The following TMEM132D variants were observed in gnomAD, a reference collection of about 807,000 sequenced individuals.
TMEM132D encodes mature OL transmembrane protein.
Under a neutral mutation model 62.3 loss-of-function variants are expected in TMEM132D, and 21 were observed. The ratio of observed to expected loss-of-function variants is 0.34; its 90% CI spans 0.24 to 0.49. The LOEUF (loss-of-function observed/expected upper bound fraction) is 0.49. TMEM132D is among the 20% of genes least tolerant of loss of function. The pLI is 0.99. For missense variants in TMEM132D, 1,346 were observed against 1,402.8 expected (o/e 0.96, Z 0.65); for synonymous variants, 621 against 575.6 (o/e 1.08, Z -1.13).
intron 2 of TMEM132D, among the ~76,000 whole-genome samples, chr12:129,536,068 A>G (rs573035217): frequency 6.6e-6 from 1 of 152,334 alleles, no homozygotes; most frequent in East Asian, 1.9e-4. Context: ...ATACGAAGAG[A>G]TCCAAACTTC....
At chr12:129,853,197 G>C (rs1404584110) in intron 1 of TMEM132D, 1 of 152,206 alleles carries the variant, frequency 6.6e-6, no homozygotes, top group Non-Finnish European at 1.5e-5. Flanking sequence ...CAGTCACAGA[G>C]GGAAAGGGGA....
At chr12:129,621,075 C>T (rs1470390280) in intron 2 of TMEM132D, among the ~76,000 whole-genome samples, 1 of 152,202 alleles carries the variant, frequency 6.6e-6, no homozygotes, top group Non-Finnish European at 1.5e-5. Flanking sequence ...TGGAGGTTGA[C>T]ACCCCTCCAT....
intron 1 of TMEM132D, among the ~76,000 whole-genome samples, chr12:129,821,981 G>A (rs971811170): frequency 1.7e-4 from 26 of 152,176 alleles, no homozygotes; most frequent in African/African-American, 5.8e-4. Flanking sequence ...ACCATGCTAG[G>A]TGCTGAGGAT....
intron 4 of TMEM132D, among the ~76,000 whole-genome samples, chr12:129,269,790 T>G (rs1236777153): frequency 1.3e-5 from 2 of 152,310 alleles, no homozygotes; most frequent in African/African-American, 4.8e-5. Flanking sequence ...CGCAGTTGCA[T>G]GAGCTTCCTC....
chr12:129,861,474 T>C (rs1023035752), intron 1 of TMEM132D, among the ~76,000 whole-genome samples: 3 of 152,188 alleles, frequency 2.0e-5, no homozygotes, highest in Non-Finnish European at 4.4e-5. Flanking sequence ...GTTAAATGAT[T>C]ACCAGGCTGG....
chr12:129,603,344 C>T (rs990350164), intron 2 of TMEM132D, among the ~76,000 whole-genome samples: 1 of 152,200 alleles, frequency 6.6e-6, no homozygotes, highest in Admixed American at 6.5e-5. Context: ...GACATTTCTA[C>T]TGTCTCCGAG....
At chr12:129,605,238 G>T (rs2137145939) in intron 2 of TMEM132D, among the ~76,000 whole-genome samples, 1 of 152,178 alleles carries the variant, frequency 6.6e-6, no homozygotes, top group East Asian at 1.9e-4. Flanking sequence ...GACATGACGG[G>T]CATGGTTATC....
At chr12:129,272,348 A>C (rs752384092) in intron 4 of TMEM132D, among the ~76,000 whole-genome samples, 1 of 151,828 alleles carries the variant, frequency 6.6e-6, no homozygotes, top group Non-Finnish European at 1.5e-5. Context: ...GAACCAAGCC[A>C]TCAGTAAGTC....
chr12:129,328,210 A>G (rs1868981718), intron 4 of TMEM132D, among the ~76,000 whole-genome samples: 1 of 152,210 alleles, frequency 6.6e-6, no homozygotes, highest in Non-Finnish European at 1.5e-5. Flanking sequence ...CCAAGCATGT[A>G]TTAATTCTGA....
intron 1 of TMEM132D, among the ~76,000 whole-genome samples, chr12:129,715,267 G>A (rs561562543): frequency 7.2e-5 from 11 of 152,176 alleles, no homozygotes; most frequent in African/African-American, 2.4e-4. Context: ...GAGAGAGAAG[G>A]GACAAATCAC....
chr12:129,285,391 G>T (rs1881263525), intron 4 of TMEM132D, among the ~76,000 whole-genome samples: 1 of 151,766 alleles, frequency 6.6e-6, no homozygotes, highest in South Asian at 2.1e-4. Context: ...GCTGGGCATG[G>T]TGGTGCATGC....
At chr12:129,790,624 G>C (rs564889880) in intron 1 of TMEM132D, among the ~76,000 whole-genome samples, 2 of 151,920 alleles carry the variant, frequency 1.3e-5, no homozygotes, top group African/African-American at 2.4e-5. Flanking sequence ...GGCACAGGAT[G>C]GGGGGGCAGG....
chr12:129,188,714 G>A (rs564939156), intron 5 of TMEM132D, among the ~76,000 whole-genome samples: 1 of 144,662 alleles, frequency 6.9e-6, no homozygotes, highest in African/African-American at 2.6e-5. Context: ...ATAGATAATA[G>A]AGATAAATGA....
Position 129,337,792 on chromosome 12 carries a change from T to A in TMEM132D, c.1141A>T (p.Met381Leu), listed in dbSNP as rs748570831. 6.2e-7 allele frequency: 1 copy of A among 1,612,730 alleles called. No individual in the cohort carries two copies. Among genetic ancestry groups the A allele is most frequent in the South Asian group, 1.1e-5 (1 of 90,958 alleles). The change falls in exon 4 of 9, where the codon ATG (methionine) becomes TTG (leucine). Residue 381 changes from methionine to leucine, a missense_variant. Transcript: ENST00000422113. ...TCTTCCACCTCCACATCGATCTGCATGACCTCGTAGGAGGCGCCATCCGCA... is the reference window on the plus strand; with the variant it reads ...TCTTCCACCTCCACATCGATCTGCAAGACCTCGTAGGAGGCGCCATCCGCA... Reference protein sequence around the residue: ...NSADGASYEVMQIDVEVEEPG... With the variant: ...NSADGASYEVLQIDVEVEEPG...
rs1475470945 is a variant in TMEM132D, at chr12:129,739,340, G to A, written c.80-38642C>T. On this transcript the variant is annotated intron_variant, in intron 1 of 8. Coordinates refer to ENST00000422113, the MANE Select transcript of TMEM132D (RefSeq NM_133448.3). ...AATTCCCACCGCCTGATGAACTGAT[G>A]AGCCTCTAGCCAAGGCAAGGCGAGG... 5.3e-5 allele frequency among the ~76,000 whole-genome samples: 8 copies of A among 152,152 alleles called. 1 individual carries two copies. The highest frequency in any genetic ancestry group is 1.3e-4 in the Admixed American group (2 of 15,270).
intron 5 of TMEM132D, among the ~76,000 whole-genome samples, chr12:129,151,409 C>T (rs1877067210): frequency 6.6e-6 from 1 of 152,144 alleles, no homozygotes; most frequent in Admixed American, 6.5e-5. Flanking sequence ...CTGAAGGGGA[C>T]GTGAGGTGCA....
At chr12:129,661,939 GTAATTAA>G (rs1388392672) in intron 2 of TMEM132D, among the ~76,000 whole-genome samples, 4 of 152,224 alleles carry the variant, frequency 2.6e-5, no homozygotes, top group African/African-American at 9.6e-5. Flanking sequence ...AAGAGTAAAT[GTAATTAA>G]TATTTAATAA....
At chr12:129,266,588 T>C (rs755823064) in intron 4 of TMEM132D, among the ~76,000 whole-genome samples, 1 of 145,760 alleles carries the variant, frequency 6.9e-6, no homozygotes, top group African/African-American at 2.5e-5. Flanking sequence ...CTTCTTCCCC[T>C]TTTTCCCCTC....
intron 3 of TMEM132D, among the ~76,000 whole-genome samples, chr12:129,413,077 T>C (rs543410874): frequency 1.3e-4 from 20 of 152,334 alleles, no homozygotes; most frequent in South Asian, 2.1e-4. Flanking sequence ...CATTCTCTAG[T>C]AATTATTCAA....
Sources: allele counts gnomAD v4.1 joint callset (sites outside exome capture counted in the v4.1 genomes callset), GRCh38; gene constraint gnomAD v4.1.1; transcripts MANE v1.5; gene names NCBI Gene and HGNC (gene_info 2026-07-23, HGNC 2026-07-21).